Variants in MAL2 observed in about 807,000 individuals in gnomAD.
MAL2 encodes the protein protein MAL2.
Under a neutral mutation model 18.1 loss-of-function variants are expected in MAL2, and 17 were observed. That is an observed-to-expected ratio of 0.94 (90% confidence interval 0.64 to 1.41). The LOEUF (loss-of-function observed/expected upper bound fraction) is 1.41. Among genes scored for constraint, MAL2 ranks in the 40% most tolerant of loss-of-function variants. The probability of loss-of-function intolerance (pLI) is 0.00; values close to 1 mark genes in which losing one functional copy is unlikely to be tolerated. For synonymous variants in MAL2, 102 were observed against 102.3 expected (o/e 1.00, Z 0.02); for missense variants, 222 against 231.9 (o/e 0.96, Z 0.28).
chr8:119,225,906 C>T (rs1423889117), intron 2 of MAL2, among the ~76,000 whole-genome samples: 1 of 152,206 alleles, frequency 6.6e-6, no homozygotes, highest in Admixed American at 6.5e-5. Flanking sequence ...CTGTTGGCTG[C>T]ATAAATGTCT....
chr8:119,233,490 G>T (rs1275462563), intron 2 of MAL2, among the ~76,000 whole-genome samples: 1 of 152,008 alleles, frequency 6.6e-6, no homozygotes, highest in African/African-American at 2.4e-5. Flanking sequence ...AATGACGAAG[G>T]GGATAGCAGC....
chr8:119,229,313 CT>C (rs60554580), intron 2 of MAL2, among the ~76,000 whole-genome samples: 36,357 of 136,782 alleles, frequency 0.27, 4,269 homozygotes, highest in South Asian at 0.39. Flanking sequence ...CTGTGGGCCT[CT>C]TTTTTTTTTT....
intron 3 of MAL2, among the ~76,000 whole-genome samples, chr8:119,240,582 C>T (rs1474056977): frequency 6.6e-6 from 1 of 152,208 alleles, no homozygotes; most frequent in African/African-American, 2.4e-5. Flanking sequence ...TGGCTTTGCA[C>T]AGCAGTGTCT....
intron 2 of MAL2, among the ~76,000 whole-genome samples, chr8:119,227,217 A>C (rs888028452): frequency 6.6e-6 from 1 of 152,222 alleles, no homozygotes; most frequent in African/African-American, 2.4e-5. Context: ...TAGCATGCCA[A>C]AACAACATAT....
At position 119,243,511 on chromosome 8, in the gene MAL2, G is replaced by C. The variant is rs376933556; in HGVS notation, c.*23G>C. 4 of 1,562,134 alleles carry C rather than the reference G, an allele frequency of 2.6e-6. No homozygotes were observed. The highest frequency in any genetic ancestry group is 1.9e-5 in the Admixed American group (1 of 52,062). On this transcript the variant is annotated 3_prime_UTR_variant, in exon 4 of 4. Coordinates refer to ENST00000614891, the MANE Select transcript of MAL2 (RefSeq NM_052886.3). ...TAACACTCCTTAGAAACTGGCAGTC[G>C]TATGTTAGTTTCACTTGTCTACTTT... is the stretch of plus-strand genomic sequence containing the variant.
At chr8:119,242,032 C>T (rs118035252) in intron 3 of MAL2, among the ~76,000 whole-genome samples, 3 of 152,246 alleles carry the variant, frequency 2.0e-5, no homozygotes, top group Non-Finnish European at 2.9e-5. Flanking sequence ...AGGGACTTTC[C>T]TATGCTATTA....
chr8:119,212,387 A>G (rs937915668), intron 1 of MAL2, among the ~76,000 whole-genome samples: 2 of 152,192 alleles, frequency 1.3e-5, no homozygotes, highest in African/African-American at 4.8e-5. Context: ...ATTCTTATTC[A>G]CATGCTTCTA....
At chr8:119,229,126 G>A (rs934133485) in intron 2 of MAL2, among the ~76,000 whole-genome samples, 14 of 152,226 alleles carry the variant, frequency 9.2e-5, no homozygotes, top group Admixed American at 2.6e-4. Context: ...TTTTGGCTAC[G>A]TAGCATTCTA....
At chr8:119,229,335 C>CAG (rs750628509) in intron 2 of MAL2, among the ~76,000 whole-genome samples, 1 of 132,206 alleles carries the variant, frequency 7.6e-6, no homozygotes, top group African/African-American at 2.8e-5. Context: ...TTTTTTGAGA[C>CAG]AGAGTCTTGC....
chr8:119,243,290 T>A, intron 3 of MAL2, 127 bp from the exon 4 acceptor site: 1 of 553,734 alleles, frequency 1.8e-6, no homozygotes, highest in Non-Finnish European at 2.9e-6. Flanking sequence ...CAATGTAAAA[T>A]ATTTTTGTAA....
chr8:119,209,458 C>T (rs1817238053), intron 1 of MAL2, among the ~76,000 whole-genome samples: 1 of 152,132 alleles, frequency 6.6e-6, no homozygotes, highest in Admixed American at 6.5e-5. Context: ...TGGAAACTTT[C>T]GAAGCTCCTT....
At chr8:119,239,155 C>T (rs1422813102) in intron 2 of MAL2, among the ~76,000 whole-genome samples, 4 of 152,092 alleles carry the variant, frequency 2.6e-5, no homozygotes, top group Admixed American at 2.6e-4. Context: ...ATTTATGCAG[C>T]CAAAAAACAC....
chr8:119,237,593 A>G (rs2129905302), intron 2 of MAL2, among the ~76,000 whole-genome samples: 1 of 151,912 alleles, frequency 6.6e-6, no homozygotes, highest in Non-Finnish European at 1.5e-5. Context: ...ATCCACCATG[A>G]TCAAGTGGGC....
chr8:119,230,818 A>C (rs1435904562), intron 2 of MAL2, among the ~76,000 whole-genome samples: 2 of 152,172 alleles, frequency 1.3e-5, no homozygotes, highest in Non-Finnish European at 2.9e-5. Context: ...GACCTTCATC[A>C]GCTAATATTT....
At chr8:119,232,469 A>G (rs1350828988) in intron 2 of MAL2, among the ~76,000 whole-genome samples, 2 of 152,212 alleles carry the variant, frequency 1.3e-5, no homozygotes, top group Non-Finnish European at 2.9e-5. Context: ...TGTTGATGGT[A>G]TATTAATTCA....
Position 119,208,814 on chromosome 8 carries a change from C to G in MAL2, c.132+210C>G, listed in dbSNP as rs1366142224. 1 of 736,702 alleles carries G rather than the reference C, an allele frequency of 1.4e-6. No homozygotes were observed. The highest frequency in any genetic ancestry group is 7.0e-5 in the South Asian group (1 of 14,200). The allele number at this position is 736,702 out of a possible 1,614,324, so 45.6% of individuals were successfully genotyped here. On this transcript the variant is annotated intron_variant, in intron 1 of 3. Transcript: ENST00000614891. The surrounding 1 kb of genome is among the most constrained non-coding windows in gnomAD (Gnocchi z 4.3). ...CACCTGTTACGCGGGCACCTGCTCC[C>G]CCGCGGGCGACGGAAATTGCCTGGG... is the stretch of plus-strand genomic sequence containing the variant.
intron 1 of MAL2, chr8:119,209,078 A>G (rs1587115237): frequency 6.0e-6 from 1 of 167,092 alleles, no homozygotes. Flanking sequence ...TGGGGGCGGG[A>G]GGCAACAGGA....
chr8:119,221,506 G>C, intron 1 of MAL2, 81 bp from the exon 2 acceptor site: 2 of 1,531,130 alleles, frequency 1.3e-6, no homozygotes, highest in South Asian at 2.4e-5. Flanking sequence ...AGGCAATGCT[G>C]AGGGTAATAC....
At chr8:119,236,976 A>T (rs1470333717) in intron 2 of MAL2, among the ~76,000 whole-genome samples, 5 of 151,350 alleles carry the variant, frequency 3.3e-5, no homozygotes, top group Non-Finnish European at 7.4e-5. Flanking sequence ...GACACAAAAA[A>T]CCCTTCAAAA....
Sources: allele counts gnomAD v4.1 joint callset (sites outside exome capture counted in the v4.1 genomes callset), GRCh38; gene constraint gnomAD v4.1.1; non-coding constraint Gnocchi (gnomAD v3.1); transcripts MANE v1.5; gene names NCBI Gene and HGNC (gene_info 2026-07-23, HGNC 2026-07-21).